The following ABCA4 variants were observed in gnomAD, a reference collection of about 807,000 sequenced individuals.
The protein encoded by ABCA4 is retinal-specific phospholipid-transporting ATPase ABCA4.
Under a neutral mutation model 263.7 loss-of-function variants are expected in ABCA4, and 196 were observed. The ratio of observed to expected loss-of-function variants is 0.74; its 90% CI spans 0.66 to 0.84. ABCA4 has a LOEUF of 0.84. ABCA4 is among the 40% of genes least tolerant of loss of function. The pLI is 0.00. For missense variants in ABCA4, 2,792 were observed against 2,855.1 expected (o/e 0.98, Z 0.50); for synonymous variants, 1,133 against 1,094.2 (o/e 1.04, Z -0.70).
intron 44 of ABCA4, 76 bp downstream of exon 44, chr1:94,005,365 C>G: frequency 6.4e-7 from 1 of 1,569,242 alleles, no homozygotes; most frequent in Non-Finnish European, 8.8e-7. Context: ...TTTCTCATCT[C>G]CAAGAGAATG....
chr1:94,020,004 A>C (rs1255790425), intron 35 of ABCA4, among the ~76,000 whole-genome samples: 2 of 152,070 alleles, frequency 1.3e-5, no homozygotes, highest in Non-Finnish European at 2.9e-5. Flanking sequence ...CTTTCTTTTT[A>C]TTATATTCTC....
chr1:94,043,315 T>C (rs774712633), intron 21 of ABCA4, 21 bp downstream of exon 21: 1 of 1,613,918 alleles, frequency 6.2e-7, no homozygotes, highest in Non-Finnish European at 8.5e-7. Context: ...TGTGGCCCTG[T>C]CTCCATCCAG....
chr1:94,028,124 T>C lies in ABCA4; in HGVS notation c.4539+1321A>G, dbSNP rs145063626. Among the ~76,000 whole-genome samples the C allele has an allele frequency of 5.2e-3, 794 of 152,312 alleles. 7 individuals carry two copies. Among genetic ancestry groups the C allele is most frequent in the Non-Finnish European group, 9.0e-3 (612 of 68,022 alleles). On this transcript the variant is annotated intron_variant, in intron 30 of 49. Coordinates refer to ENST00000370225, the MANE Select transcript of ABCA4 (RefSeq NM_000350.3). Reference sequence around the variant, plus strand: ...TATTCCCAATTCACAGGTGATAAAATTAAGGCTCAGAGAGGTCAAGTAGTC... The same window carrying C: ...TATTCCCAATTCACAGGTGATAAAACTAAGGCTCAGAGAGGTCAAGTAGTC...
At position 94,030,483 on chromosome 1, in the gene ABCA4, C is replaced by T. The variant is rs56357060; in HGVS notation, c.4297G>A (p.Val1433Ile). ...CCAAAGCCTGGCTTATTCAGGAGGA[C>T]GTCTGCAAGTACCGTGAACTGCTCA... ...GSEQFTVLAD[V>I]LLNKPGFGNR... The change falls in exon 29 of 50, where the codon GTC (valine) becomes ATC (isoleucine). Residue 1433 changes from valine (V) to isoleucine (I), a missense_variant. By Grantham distance (29) the Val-to-Ile change is conservative. Transcript: ENST00000370225. 2.5e-3 allele frequency: 4,108 copies of T among 1,614,254 alleles called. 10 individuals are homozygous for T. Among genetic ancestry groups the T allele is most frequent in the Non-Finnish European group, 3.1e-3 (3,675 of 1,180,044 alleles).
rs764002833 is a variant in ABCA4, at chr1:94,080,632, C to T, written c.945G>A (p.Leu315=). 29 of 1,614,132 alleles carry T rather than the reference C, an allele frequency of 1.8e-5. No homozygotes were observed. Among genetic ancestry groups the T allele is most frequent in the Non-Finnish European group, 2.4e-5 (28 of 1,180,034 alleles). ...QNGGPETFTK[L]MGILSDLLCG... ...ACAGGAGGTCAGACAGGATGCCCAT[C>T]AGCTTTGTAAAGGTCTCTGGACCAC... The change falls in exon 8 of 50, where the codon CTG becomes CTA. Residue 315 remains leucine, a synonymous_variant. Transcript: ENST00000370225.
intron 17 of ABCA4, among the ~76,000 whole-genome samples, chr1:94,049,827 AACACACACAC>A (rs146353973): frequency 6.7e-6 from 1 of 149,426 alleles, no homozygotes; most frequent in Admixed American, 6.7e-5. Context: ...ACACGCATTG[AACACACACAC>A]ACACACACAC....
chr1:94,037,416 C>CA, intron 24 of ABCA4, 66 bp from the exon 25 acceptor site: 1 of 1,471,324 alleles, frequency 6.8e-7, no homozygotes, highest in Non-Finnish European at 9.4e-7. Flanking sequence ...TGAGGTTACC[C>CA]AGATTTCCTA....
At chr1:94,117,477 C>A (rs1290445134) in intron 1 of ABCA4, among the ~76,000 whole-genome samples, 1 of 134,690 alleles carries the variant, frequency 7.4e-6, no homozygotes, top group African/African-American at 2.6e-5. Flanking sequence ...TCCTCAGGCC[C>A]CCCCACAGAT....
At chr1:94,016,288 C>T (rs137936024) in intron 36 of ABCA4, among the ~76,000 whole-genome samples, 51 of 152,296 alleles carry the variant, frequency 3.3e-4, no homozygotes, top group African/African-American at 3.6e-4. Context: ...AGAAAGGGGA[C>T]GGCAACAGTG....
chr1:94,004,302 G>A (rs1448777499), intron 44 of ABCA4, among the ~76,000 whole-genome samples: 1 of 152,096 alleles, frequency 6.6e-6, no homozygotes, highest in African/African-American at 2.4e-5. Context: ...GTTCTTTCTT[G>A]CTTTTCCCTT....
At chr1:94,113,561 T>A (rs1557810680) in intron 1 of ABCA4, among the ~76,000 whole-genome samples, 2 of 152,250 alleles carry the variant, frequency 1.3e-5, no homozygotes, top group Admixed American at 1.3e-4. Flanking sequence ...AGTGGCAGCA[T>A]CAGAACCAAA....
chr1:94,085,954 C>A (rs1461570463), intron 6 of ABCA4, among the ~76,000 whole-genome samples: 1 of 152,140 alleles, frequency 6.6e-6, no homozygotes, highest in Non-Finnish European at 1.5e-5. Flanking sequence ...GCCTCTTGCT[C>A]ACCCCTGCCC....
intron 6 of ABCA4, among the ~76,000 whole-genome samples, chr1:94,096,372 C>A (rs1316962377): frequency 6.6e-6 from 1 of 152,104 alleles, no homozygotes; most frequent in Non-Finnish European, 1.5e-5. Flanking sequence ...TGTGAAATGT[C>A]CTGTTTGCTT....
chr1:94,083,708 T>C lies in ABCA4; in HGVS notation c.769-267A>G, dbSNP rs573905588. Among the ~76,000 whole-genome samples the C allele has an allele frequency of 2.6e-5, 4 of 152,326 alleles. No homozygotes were observed. In the South Asian group the frequency reaches 8.3e-4, roughly 32 times the overall value. ...ATTAAATACTATCACTATTTCAAAG[T>C]GATTCTAATTGCTGTTTTAGTGACA... is the stretch of plus-strand genomic sequence containing the variant. On this transcript the variant is annotated intron_variant, in intron 6 of 49. Coordinates refer to ENST00000370225, the MANE Select transcript of ABCA4 (RefSeq NM_000350.3).
chr1:94,103,228 T>C, intron 4 of ABCA4, 86 bp from the exon 5 acceptor site: 1 of 1,519,760 alleles, frequency 6.6e-7, no homozygotes, highest in Non-Finnish European at 9.1e-7. Context: ...TGGAAACACT[T>C]GTAACTCAAC....
At chr1:94,098,491 C>G (rs1227054099) in intron 6 of ABCA4, among the ~76,000 whole-genome samples, 1 of 152,164 alleles carries the variant, frequency 6.6e-6, no homozygotes, top group Non-Finnish European at 1.5e-5. Flanking sequence ...GGGAGTCAAA[C>G]CAGGCCTCCT....
Position 94,063,224 on chromosome 1 carries a change from C to T in ABCA4, c.1648G>A (p.Gly550Arg), listed in dbSNP as rs61748558. The change falls in exon 12 of 50, where the codon GGA becomes AGA. Residue 550 changes from glycine (G) to arginine (R), a missense_variant. Coordinates refer to ENST00000370225, the MANE Select transcript of ABCA4 (RefSeq NM_000350.3). ...GGATACATGTCAGGGAATACCACTC[C>T]GGCCCAGAACATGTTTTCCTCCAGT... ...SLLEENMFWA[G>R]VVFPDMYPWT... 2.0e-5 allele frequency: 33 copies of T among 1,613,974 alleles called. No individual in the cohort carries two copies. The highest frequency in any genetic ancestry group is 2.6e-5 in the Non-Finnish European group (31 of 1,179,992).
chr1:93,993,728 A>G (rs904012162), intron 49 of ABCA4, among the ~76,000 whole-genome samples: 4 of 152,106 alleles, frequency 2.6e-5, no homozygotes, highest in African/African-American at 7.2e-5. Flanking sequence ...GGAGTGCAGG[A>G]TATTAGGCTC....
chr1:94,056,525 G>A, intron 15 of ABCA4, 76 bp downstream of exon 15: 3 of 1,484,700 alleles, frequency 2.0e-6, no homozygotes, highest in Non-Finnish European at 2.8e-6. Flanking sequence ...TCAGAGGGCA[G>A]GCTGGGCCTC....
Sources: gnomAD v4.1 joint callset for allele counts (sites outside exome capture counted in the v4.1 genomes callset) on GRCh38, gnomAD v4.1.1 for gene constraint, MANE v1.5 for transcripts, NCBI Gene and HGNC (gene_info 2026-07-23, HGNC 2026-07-21) for gene names.